Variants in DLG2 observed in about 807,000 individuals in gnomAD.
DLG2 encodes disks large homolog 2.
A neutral mutation model predicts 132.5 loss-of-function variants in DLG2; 45 were observed. The observed-to-expected ratio is 0.34, with a 90% CI of 0.27 to 0.44. The LOEUF is 0.44. DLG2 is among the 20% of genes least tolerant of loss of function. The pLI, the probability that DLG2 is intolerant of heterozygous loss-of-function variation, is 1.00. For missense variants in DLG2, 1,045 were observed against 1,196.9 expected, an observed-to-expected ratio of 0.87 and a Z score of 1.87; for synonymous variants, 424 against 419.6, an observed-to-expected ratio of 1.01 and a Z score of -0.13.
chr11:84,178,454 G>T (rs1456393779), intron 8 of DLG2, among the ~76,000 whole-genome samples: 3 of 152,076 alleles, frequency 2.0e-5, no homozygotes, highest in Non-Finnish European at 4.4e-5. Flanking sequence ...GACTACAGAA[G>T]GTCCTAGCAA....
At chr11:83,687,313 T>C (rs2079977804) in intron 18 of DLG2, among the ~76,000 whole-genome samples, 1 of 152,158 alleles carries the variant, frequency 6.6e-6, no homozygotes, top group Non-Finnish European at 1.5e-5. Context: ...AAATCGCAGC[T>C]GAGAAAAGTT....
chr11:84,012,740 G>C (rs939982120), intron 11 of DLG2, among the ~76,000 whole-genome samples: 1 of 152,028 alleles, frequency 6.6e-6, no homozygotes, highest in Admixed American at 6.6e-5. Flanking sequence ...TAAATAAAAA[G>C]GAAGTTGAGC....
intron 9 of DLG2, among the ~76,000 whole-genome samples, chr11:84,106,285 T>C (rs193002789): frequency 1.3e-5 from 2 of 152,256 alleles, no homozygotes; most frequent in Admixed American, 1.3e-4. Context: ...TGTCTTTTCA[T>C]ACACATTACT....
intron 10 of DLG2, among the ~76,000 whole-genome samples, chr11:84,067,632 T>A (rs2096699008): frequency 6.6e-6 from 1 of 151,868 alleles, no homozygotes. Flanking sequence ...CCTGCCATAA[T>A]ACATATACTT....
chr11:85,494,349 T>TA (rs928258112), intron 3 of DLG2, among the ~76,000 whole-genome samples: 27 of 152,276 alleles, frequency 1.8e-4, no homozygotes, highest in African/African-American at 5.8e-4. Context: ...GAATTGTTCT[T>TA]AAAAAAATTA....
chr11:84,711,009 G>GATATATATAT (rs367922564), intron 6 of DLG2, among the ~76,000 whole-genome samples: 6 of 89,094 alleles, frequency 6.7e-5, no homozygotes, highest in African/African-American at 2.4e-4. Context: ...TATATATATA[G>GATATATATAT]ATATATATAT....
intron 6 of DLG2, among the ~76,000 whole-genome samples, chr11:84,624,442 G>C (rs188357284): frequency 4.5e-4 from 68 of 152,186 alleles, no homozygotes; most frequent in Middle Eastern, 3.4e-3. Context: ...ATTGATTGCT[G>C]TCATGATTAT....
At chr11:85,433,282 C>T (rs558873555) in intron 3 of DLG2, among the ~76,000 whole-genome samples, 4 of 152,152 alleles carry the variant, frequency 2.6e-5, no homozygotes, top group African/African-American at 4.8e-5. Context: ...AAGCAGCTAG[C>T]GTCAGGATAA....
At chr11:84,844,133 G>A (rs796469551) in intron 6 of DLG2, among the ~76,000 whole-genome samples, 608 of 25,724 alleles carry the variant, frequency 0.024, 6 homozygotes, top group African/African-American at 0.043. Context: ...GTGTGTGTGT[G>A]TGTATATATA....
At chr11:83,651,957 C>A (rs936784272) in intron 18 of DLG2, 4 of 432,540 alleles carry the variant, frequency 9.2e-6, no homozygotes, top group Admixed American at 7.4e-5. Context: ...AAACAAATCA[C>A]CTGAAATCTA....
chr11:84,524,653 C>T (rs188829421), intron 7 of DLG2, among the ~76,000 whole-genome samples: 1 of 152,132 alleles, frequency 6.6e-6, no homozygotes, highest in Non-Finnish European at 1.5e-5. Context: ...CTTCCACCAT[C>T]TAGTGGCAAG....
intron 6 of DLG2, among the ~76,000 whole-genome samples, chr11:85,074,719 G>T (rs1033532946): frequency 6.6e-6 from 1 of 151,840 alleles, no homozygotes; most frequent in African/African-American, 2.4e-5. Context: ...AATATAGGAG[G>T]AGACTTGAGG....
intron 6 of DLG2, among the ~76,000 whole-genome samples, chr11:85,003,104 T>C (rs1249300063): frequency 6.6e-6 from 1 of 152,184 alleles, no homozygotes; most frequent in South Asian, 2.1e-4. Flanking sequence ...GCATGGGGGA[T>C]TGGCATCCTT....
intron 6 of DLG2, among the ~76,000 whole-genome samples, chr11:84,698,480 A>G (rs989736637): frequency 6.6e-6 from 1 of 151,584 alleles, no homozygotes; most frequent in African/African-American, 2.4e-5. Flanking sequence ...AGATTCAAAC[A>G]TCTATGATTT....
intron 15 of DLG2, among the ~76,000 whole-genome samples, chr11:83,919,508 A>C (rs1354951874): frequency 6.6e-6 from 1 of 152,174 alleles, no homozygotes; most frequent in Non-Finnish European, 1.5e-5. Context: ...ATCCATAATA[A>C]ATTTCTAGAC....
rs869183421 is a variant in DLG2, at chr11:84,121,541, A to ATTTTTTTT, written c.625-22502_625-22495dup. ...TTACTCTCACTTATATTCCTTGCTA[A>ATTTTTTTT]TTTTTTTTTTTTTTTTTTTTTTTTT... is the stretch of plus-strand genomic sequence containing the variant. On this transcript the variant is annotated intron_variant, in intron 9 of 27. Transcript: ENST00000376104. Among the ~76,000 whole-genome samples the ATTTTTTTT allele has an allele frequency of 8.7e-4, 58 of 66,684 alleles. 6 individuals carry two copies. Among genetic ancestry groups the ATTTTTTTT allele is most frequent in the South Asian group, 3.4e-3 (5 of 1,452 alleles). 43.7% of individuals were successfully genotyped at this position (66,684 alleles called of 152,430 possible). A position where few individuals can be genotyped will look rare whatever the true frequency, so the allele number is the denominator to read the frequency against.
At chr11:85,608,411 T>C (rs1393934229) in intron 2 of DLG2, among the ~76,000 whole-genome samples, 1 of 152,162 alleles carries the variant, frequency 6.6e-6, no homozygotes, top group Non-Finnish European at 1.5e-5. Flanking sequence ...AATACTATCC[T>C]GCAGTTTGAC....
At chr11:85,236,034 A>C (rs1379518528) in intron 4 of DLG2, among the ~76,000 whole-genome samples, 1 of 151,846 alleles carries the variant, frequency 6.6e-6, no homozygotes, top group Non-Finnish European at 1.5e-5. Context: ...TGAGGGAAGG[A>C]CCAAGCAGAT....
chr11:84,792,384 T>C (rs2073980040), intron 6 of DLG2, among the ~76,000 whole-genome samples: 2 of 152,212 alleles, frequency 1.3e-5, no homozygotes, highest in Admixed American at 6.5e-5. Context: ...AATATTAGTG[T>C]ACAGTTTTAT....
Sources: allele counts gnomAD v4.1 joint callset (sites outside exome capture counted in the v4.1 genomes callset), GRCh38; gene constraint gnomAD v4.1.1; transcripts MANE v1.5; gene names NCBI Gene and HGNC (gene_info 2026-07-23, HGNC 2026-07-21).